Variants in PPM1F observed in about 807,000 individuals in gnomAD.
The protein encoded by PPM1F is protein phosphatase, Mg2+/Mn2+ dependent 1F, also known as protein phosphatase 1F.
A neutral mutation model predicts 35.5 loss-of-function variants in PPM1F; 17 were observed. That is an observed-to-expected ratio of 0.48 (90% CI 0.33 to 0.72). The LOEUF (loss-of-function observed/expected upper bound fraction) is 0.72, where lower values mean the gene tolerates loss of function less well. PPM1F is among the 30% of genes least tolerant of loss of function. The pLI, the probability that PPM1F is intolerant of heterozygous loss-of-function variation, is 0.02. For missense variants in PPM1F, 521 were observed against 613.0 expected (o/e 0.85, Z 1.59); for synonymous variants, 241 against 255.5 (o/e 0.94, Z 0.54).
chr22:21,938,625 A>G, intron 3 of PPM1F: 1 of 1,020,834 alleles, frequency 9.8e-7, no homozygotes, highest in Non-Finnish European at 1.2e-6. Context: ...GAAATGGCCG[A>G]CAGGAAATGG....
At position 21,922,981 on chromosome 22, in the gene PPM1F, A is replaced by G. The variant is rs1210035784; in HGVS notation, c.*111T>C. ...CTGGCTCTGGGGTGCTGGGGAAAGCACTGTGGGGCGGGCACCCTGTCCACT... is the reference window on the plus strand; with the variant it reads ...CTGGCTCTGGGGTGCTGGGGAAAGCGCTGTGGGGCGGGCACCCTGTCCACT... On this transcript the variant is annotated 3_prime_UTR_variant, in exon 8 of 8. Transcript: ENST00000263212. 7.1e-7 allele frequency: 1 copy of G among 1,399,118 alleles called. No individual in the cohort carries two copies. Among genetic ancestry groups the G allele is most frequent in the Non-Finnish European group, 9.7e-7 (1 of 1,031,570 alleles). 86.7% of individuals were successfully genotyped at this position (1,399,118 alleles called of 1,614,324 possible).
chr22:21,923,007 GC>G lies in PPM1F; in HGVS notation c.*84del. On this transcript the variant is annotated 3_prime_UTR_variant, in exon 8 of 8. Transcript: ENST00000263212. ...CTGTGGGGCGGGCACCCTGTCCACTGCCTGCCACCTGTTGGGTCCTGAGGCT... is the reference window on the plus strand; with the variant it reads ...CTGTGGGGCGGGCACCCTGTCCACTGCTGCCACCTGTTGGGTCCTGAGGCT... 6.6e-7 allele frequency: 1 copy of G among 1,505,462 alleles called. No homozygotes were observed. The highest frequency in any genetic ancestry group is 8.9e-7 in the Non-Finnish European group (1 of 1,124,242). The allele number at this position is 1,505,462 out of a possible 1,614,324, so 93.3% of individuals were successfully genotyped here. A position where few individuals can be genotyped will look rare whatever the true frequency, so the allele number is the denominator to read the frequency against.
intron 7 of PPM1F, chr22:21,924,789 G>C (rs369057342): frequency 3.3e-5 from 5 of 151,606 alleles, no homozygotes; most frequent in African/African-American, 7.3e-5. Context: ...GGCTGGTCTC[G>C]AACTCCCGAT....
intron 3 of PPM1F, chr22:21,938,615 G>A (rs764968374): frequency 5.5e-5 from 57 of 1,028,198 alleles, no homozygotes; most frequent in Non-Finnish European, 6.5e-5. Context: ...GAAGGGAAAG[G>A]AAATGGCCGA....
chr22:21,938,707 G>C, intron 3 of PPM1F: 3 of 639,492 alleles, frequency 4.7e-6, no homozygotes, highest in Non-Finnish European at 5.9e-6. Context: ...AGCTGGGTGG[G>C]ACGTTGCTAC....
intron 1 of PPM1F, chr22:21,948,947 G>A: frequency 6.6e-6 from 1 of 152,388 alleles, no homozygotes; most frequent in East Asian, 1.9e-4. Context: ...CTGACCTTGG[G>A]GTACTCTTTC....
In PPM1F at chr22:21,923,102, G is replaced by C; in HGVS notation, c.1355C>G (p.Pro452Arg). The change falls in exon 8 of 8, where the codon CCA (proline) becomes CGA (arginine). Residue 452 changes from proline to arginine, a missense_variant. By Grantham distance (103) the Pro-to-Arg change is moderately radical. Coordinates refer to ENST00000263212, the MANE Select transcript of PPM1F (RefSeq NM_014634.4). ...GGGCCTGGAAACCACCTAGCTTCTT[G>C]GTGGAGCCTGGGTCTCAGGTTCTGG... Reference protein sequence around the residue: ...SLPEPETQAPPRS With the variant: ...SLPEPETQAPRRS 1 of 1,602,776 alleles carries C rather than the reference G, an allele frequency of 6.2e-7. No individual in the cohort carries two copies. The highest frequency in any genetic ancestry group is 8.5e-7 in the Non-Finnish European group (1 of 1,175,074).
intron 5 of PPM1F, among the ~76,000 whole-genome samples, chr22:21,931,948 G>T (rs2070596085): frequency 6.6e-6 from 1 of 152,060 alleles, no homozygotes; most frequent in Non-Finnish European, 1.5e-5. Flanking sequence ...AAGTAGCTGG[G>T]ACTATAGGCG....
chr22:21,929,101 G>A (rs558854550), intron 6 of PPM1F, among the ~76,000 whole-genome samples: 5 of 152,270 alleles, frequency 3.3e-5, no homozygotes, highest in South Asian at 4.1e-4. Context: ...GTTGAAGCTC[G>A]CCAAGTTGAG....
At chr22:21,948,060 G>A (rs1368138185) in intron 1 of PPM1F, 2 of 152,202 alleles carry the variant, frequency 1.3e-5, no homozygotes, top group African/African-American at 2.4e-5. Context: ...GAATAGGGGT[G>A]CTTGCTACTG....
At position 21,920,127 on chromosome 22, in the gene PPM1F, C is replaced by G. The variant is rs1433639346; in HGVS notation, c.*2965G>C. The G allele has an allele frequency of 6.6e-6, 1 of 152,266 alleles. No homozygotes were observed. Among genetic ancestry groups the G allele is most frequent in the African/African-American group, 2.4e-5 (1 of 41,442 alleles). The allele number at this position is 152,266 out of a possible 1,614,324, so 9.4% of individuals were successfully genotyped here. On this transcript the variant is annotated 3_prime_UTR_variant, in exon 8 of 8. Transcript: ENST00000263212. ...ATGTGGAGCTCCATTCTTCTCCAGC[C>G]CACTTAATTTTAAGAATAGACACTA...
chr22:21,939,546 T>A lies in PPM1F; in HGVS notation c.341A>T (p.Lys114Met). The change falls in exon 3 of 8, where the codon AAG becomes ATG. Residue 114 changes from lysine to methionine, a missense_variant. By Grantham distance (95) the Lys-to-Met change is moderately conservative. Transcript: ENST00000263212. The surrounding 1 kb of genome is among the most constrained non-coding windows in gnomAD (Gnocchi z 5.1). ...EEEEDDDEEE[K>M]APVTLLDAQS... ...ACAGAACTCACAGGTCACAGGGGCC[T>A]TTTCCTCCTCGTCATCGTCCTCCTC... 2 of 1,592,168 alleles carry A rather than the reference T, an allele frequency of 1.3e-6. No homozygotes were observed. The highest frequency in any genetic ancestry group is 1.1e-5 in the South Asian group (1 of 88,036).
At position 21,923,170 on chromosome 22, in the gene PPM1F, G is replaced by T. The variant is rs1236655160; in HGVS notation, c.1287C>A (p.Asp429Glu). The T allele has an allele frequency of 1.2e-6, 2 of 1,613,700 alleles. No homozygotes were observed. The highest frequency in any genetic ancestry group is 1.7e-5 in the Admixed American group (1 of 60,002). The change falls in exon 8 of 8, where the codon GAC becomes GAA. Residue 429 changes from aspartate to glutamate, a missense_variant. By Grantham distance (45) the Asp-to-Glu change is conservative. Transcript: ENST00000263212. ...CCTGCCTCCTCCCTTCTGCCTGGGG[G>T]TCCCCTTCTCCCTGGTTCCCGCCCT... Reference protein sequence around the residue: ...LLEGGNQGEGDPQAEGRRQDL... With the variant: ...LLEGGNQGEGEPQAEGRRQDL...
At chr22:21,928,881 G>T (rs1013171521) in intron 6 of PPM1F, among the ~76,000 whole-genome samples, 3 of 152,016 alleles carry the variant, frequency 2.0e-5, no homozygotes, top group African/African-American at 7.3e-5. Context: ...CCCTCCTCCT[G>T]CTCCCCCATT....
At chr22:21,944,662 CCAGA>C (rs1434871194) in intron 2 of PPM1F, 7 of 152,320 alleles carry the variant, frequency 4.6e-5, no homozygotes, top group African/African-American at 1.2e-4. Flanking sequence ...GTCCCCTGTG[CCAGA>C]CAGACAGCCT....
chr22:21,930,531 A>G (rs893099258), intron 6 of PPM1F, among the ~76,000 whole-genome samples: 1 of 152,246 alleles, frequency 6.6e-6, no homozygotes, highest in Admixed American at 6.5e-5. Flanking sequence ...GTGCTGACGT[A>G]GAATTATCCA....
At chr22:21,948,333 A>AG (rs965616120) in intron 1 of PPM1F, 1 of 130,680 alleles carries the variant, frequency 7.7e-6, no homozygotes, top group Non-Finnish European at 1.6e-5. Flanking sequence ...CTACCAAAAA[A>AG]GAAAAAAAAA....
chr22:21,925,195 A>C (rs892313222), intron 7 of PPM1F: 1 of 370,810 alleles, frequency 2.7e-6, no homozygotes, highest in African/African-American at 2.1e-5. Flanking sequence ...GCGCCCAGCG[A>C]ACCCACTTTT....
rs2145789252 is a variant in PPM1F, at chr22:21,923,252, G to A, written c.1205C>T (p.Ser402Phe). Reference sequence around the variant, plus strand: ...CACCATGACCGTGATGTTGTCGTGGGAGCCCCGCTCCCGGGCCGCAGCCAC... The same window carrying A: ...CACCATGACCGTGATGTTGTCGTGGAAGCCCCGCTCCCGGGCCGCAGCCAC... ...ELVAAARERGSHDNITVMVVF... is the reference protein window; with the variant it reads ...ELVAAARERGFHDNITVMVVF... Residue 402 changes from serine to phenylalanine, a missense_variant, in exon 8 of 8, where the codon TCC (serine) becomes TTC (phenylalanine). Transcript: ENST00000263212. 6 of 1,613,440 alleles carry A rather than the reference G, an allele frequency of 3.7e-6. No homozygotes were observed. The highest frequency in any genetic ancestry group is 5.1e-6 in the Non-Finnish European group (6 of 1,179,946).
Sources: allele counts gnomAD v4.1 joint callset (sites outside exome capture counted in the v4.1 genomes callset), GRCh38; gene constraint gnomAD v4.1.1; non-coding constraint Gnocchi (gnomAD v3.1); transcripts MANE v1.5; gene names NCBI Gene and HGNC (gene_info 2026-07-23, HGNC 2026-07-21).